The following WIZ variants were observed in gnomAD, a reference collection of about 807,000 sequenced individuals.
The protein encoded by WIZ is WIZ zinc finger.
Under a neutral mutation model 140.2 loss-of-function variants are expected in WIZ, and 25 were observed. The ratio of observed to expected loss-of-function variants is 0.18; its 90% CI spans 0.13 to 0.25. The LOEUF (loss-of-function observed/expected upper bound fraction) is 0.25, where lower values mean the gene tolerates loss of function less well. WIZ is among the 10% of genes least tolerant of loss of function. The pLI, the probability that WIZ is intolerant of heterozygous loss-of-function variation, is 1.00. For synonymous variants in WIZ, 1,125 were observed against 1,154.3 expected (o/e 0.97, Z 0.51); for missense variants, 2,231 against 2,632.6 (o/e 0.85, Z 3.34).
Position 15,439,628 on chromosome 19 carries a change from G to C in WIZ, c.1366C>G (p.Pro456Ala). ...SPEASALLYQ[P>A]YGAAVGLSAC... ...CTGAGGCCAACGGCAGCTCCGTAGG[G>C]CTGATAGAGGAGGGCGCTGGCCTCA... Residue 456 changes from proline to alanine, a missense_variant, in exon 4 of 13, where the codon CCC (proline) becomes GCC (alanine). By Grantham distance (27) the Pro-to-Ala change is conservative. This residue lies in a region of WIZ where 475 missense variants were observed against 520.2 expected (regional missense o/e 0.91). Coordinates refer to ENST00000673675, the MANE Select transcript of WIZ (RefSeq NM_001371589.1). This position sits in a 1 kb window ranked among gnomAD's most constrained non-coding sequence, Gnocchi z 7.0. 6.7e-7 allele frequency: 1 copy of C among 1,488,884 alleles called. No homozygotes were observed. The highest frequency in any genetic ancestry group is 8.9e-7 in the Non-Finnish European group (1 of 1,125,374). The allele number at this position is 1,488,884 out of a possible 1,614,324, so 92.2% of individuals were successfully genotyped here.
At position 15,439,464 on chromosome 19, in the gene WIZ, G is replaced by A. The variant is rs555120255; in HGVS notation, c.1530C>T (p.Ser510=). The change falls in exon 4 of 13, where the codon AGC becomes AGT. Residue 510 remains serine, a synonymous_variant. Transcript: ENST00000673675. This position sits in a 1 kb window ranked among gnomAD's most constrained non-coding sequence, Gnocchi z 7.0. ...EEDPASQPGT[S]QDAHACFPDT... is the part of the protein sequence containing the mutation. Reference sequence around the variant, plus strand: ...CAGGGAAGCAGGCGTGAGCATCCTGGCTAGTGCCTGGCTGGCTGGCAGGGT... The same window carrying A: ...CAGGGAAGCAGGCGTGAGCATCCTGACTAGTGCCTGGCTGGCTGGCAGGGT... The A allele has an allele frequency of 4.6e-6, 7 of 1,534,704 alleles. No individual in the cohort carries two copies. The highest frequency in any genetic ancestry group is 6.1e-6 in the Non-Finnish European group (7 of 1,146,178).
At position 15,428,358 on chromosome 19, in the gene WIZ, A is replaced by G; in HGVS notation, c.3566T>C (p.Leu1189Pro). The G allele has an allele frequency of 1.3e-6, 2 of 1,535,258 alleles. No homozygotes were observed. The highest frequency in any genetic ancestry group is 2.4e-5 in the East Asian group (1 of 40,874). The change falls in exon 8 of 13, where the codon CTC becomes CCC. Residue 1189 changes from leucine to proline, a missense_variant. Physicochemically the swap from Leu to Pro is moderately conservative, Grantham distance 98. Around this residue, in one of 15 missense-constraint regions of WIZ, gnomAD observed 141 missense variants for 161.2 expected, o/e 0.87. Coordinates refer to ENST00000673675, the MANE Select transcript of WIZ (RefSeq NM_001371589.1). This position sits in a 1 kb window ranked among gnomAD's most constrained non-coding sequence, Gnocchi z 6.4. Reference sequence around the variant, plus strand: ...GCCGTCCCTCCTGATGAGCCCGTGGAGCACGTCTATGGGGGATCCCTTGGC... The same window carrying G: ...GCCGTCCCTCCTGATGAGCCCGTGGGGCACGTCTATGGGGGATCCCTTGGC... ...PDAKGSPIDV[L>P]HGLIRRDGVQ...
rs774482753 is a variant in WIZ at position 15,424,241 on chromosome 19, G to A, written c.5452C>T (p.Arg1818Trp). Residue 1818 changes from arginine to tryptophan, a missense_variant, in exon 12 of 13, where the codon CGG becomes TGG. Arg to Trp is a moderately radical substitution (Grantham distance 101). Around this residue, in one of 15 missense-constraint regions of WIZ, gnomAD observed 299 missense variants for 309.6 expected, o/e 0.97. Coordinates refer to ENST00000673675, the MANE Select transcript of WIZ (RefSeq NM_001371589.1). This position sits in a 1 kb window ranked among gnomAD's most constrained non-coding sequence, Gnocchi z 9.7. ...TTGACAAGTGATGTCTGGGGGGGCC[G>A]GGGCACCAGGGAGGGGACTGGCCGG... The part of the protein sequence containing the change: ...RVRPVPSLVP[R>W]PPQTSLVKFV... 4.4e-6 allele frequency: 7 copies of A among 1,581,620 alleles called. No individual in the cohort carries two copies. Among genetic ancestry groups the A allele is most frequent in the Non-Finnish European group, 6.0e-6 (7 of 1,167,106 alleles).
chr19:15,434,752 G>C (rs774227156), intron 5 of WIZ, among the ~76,000 whole-genome samples: 1 of 152,172 alleles, frequency 6.6e-6, no homozygotes, highest in Non-Finnish European at 1.5e-5. Context: ...GGCTGTGCAA[G>C]ACTGGGCCCT....
rs1449003386 is a variant in WIZ at position 15,420,759 on chromosome 19, T to C, written c.*2317A>G. On this transcript the variant is annotated 3_prime_UTR_variant, in exon 13 of 13. Transcript: ENST00000673675. ...GATTGGTGGGGAGGAACTTGCCATA[T>C]GACTTTATAAGCTCTTGTATCATTT... 6.6e-6 allele frequency: 1 copy of C among 152,252 alleles called. No individual in the cohort carries two copies. The highest frequency in any genetic ancestry group is 1.5e-5 in the Non-Finnish European group (1 of 68,050). The allele number at this position is 152,252 out of a possible 1,614,324, so 9.4% of individuals were successfully genotyped here. A position where few individuals can be genotyped will look rare whatever the true frequency, so the allele number is the denominator to read the frequency against.
chr19:15,423,719 G>A (rs535221728), intron 12 of WIZ, among the ~76,000 whole-genome samples: 1 of 152,336 alleles, frequency 6.6e-6, no homozygotes, highest in African/African-American at 2.4e-5. Flanking sequence ...GTCACCTCAC[G>A]TCTCAGAGTC....
In WIZ at chr19:15,448,372, G is replaced by A; in HGVS notation, c.-60-5C>T. On this transcript the variant is annotated splice_region_variant and splice_polypyrimidine_tract_variant and intron_variant, in intron 1 of 12. Coordinates refer to ENST00000673675, the MANE Select transcript of WIZ (RefSeq NM_001371589.1). ...GCTCAGCGGGGCATTGTGGGCCTGG[G>A]GATAGAGAGAAGGAAGTGCTTAGGG... The A allele has an allele frequency of 6.3e-7, 1 of 1,585,590 alleles. No individual in the cohort carries two copies. Among genetic ancestry groups the A allele is most frequent in the South Asian group, 1.1e-5 (1 of 89,898 alleles).
intron 4 of WIZ, among the ~76,000 whole-genome samples, chr19:15,438,269 G>A (rs1025988071): frequency 6.6e-6 from 1 of 152,234 alleles, no homozygotes; most frequent in African/African-American, 2.4e-5. Context: ...GTCCACTGCT[G>A]TGTCCCCAGG....
intron 9 of WIZ, among the ~76,000 whole-genome samples, chr19:15,426,339 C>T (rs1401480688): frequency 6.6e-6 from 1 of 152,132 alleles, no homozygotes; most frequent in Non-Finnish European, 1.5e-5. Context: ...TCAACCTGAG[C>T]AGAATGAACA....
intron 9 of WIZ, 65 bp from the exon 10 acceptor site, chr19:15,425,833 GGAGGGAGGAGGAGGAGGGAGGAGGGA>G: frequency 3.1e-5 from 2 of 63,740 alleles, no homozygotes; most frequent in East Asian, 1.4e-3. Context: ...GGAGGGAGGA[GGAGGGAGGAGGAGGAGGGAGGAGGGA>G]GGAGGAGGAG....
At position 15,436,811 on chromosome 19, in the gene WIZ, C is replaced by T; in HGVS notation, c.2735G>A (p.Gly912Glu). Residue 912 changes from glycine (G) to glutamate (E), a missense_variant, in exon 5 of 13, where the codon GGA becomes GAA. Transcript: ENST00000673675. Reference sequence around the variant, plus strand: ...AGCCCGTCCCCTCCCCTTACCATCTCCATAGGCTGGCCCAGGGTCCTCAGC... The same window carrying T: ...AGCCCGTCCCCTCCCCTTACCATCTTCATAGGCTGGCCCAGGGTCCTCAGC... ...TWAEDPGPAY[G>E]DGLGSEENAM... 6.3e-7 allele frequency: 1 copy of T among 1,593,118 alleles called. No homozygotes were observed. Among genetic ancestry groups the T allele is most frequent in the Non-Finnish European group, 8.5e-7 (1 of 1,173,696 alleles).
chr19:15,432,851 CGCCGAGT>C (rs967333260), intron 5 of WIZ, among the ~76,000 whole-genome samples: 1 of 151,722 alleles, frequency 6.6e-6, no homozygotes, highest in Non-Finnish European at 1.5e-5. Flanking sequence ...GAGCGCCGAG[CGCCGAGT>C]GCCACGAGCG....
intron 7 of WIZ, 102 bp downstream of exon 7, chr19:15,429,484 G>GCCCCC: frequency 1.3e-5 from 4 of 319,034 alleles, no homozygotes; most frequent in Non-Finnish European, 2.2e-5. Flanking sequence ...AGTCCCCACC[G>GCCCCC]CCCCCACCCA....
intron 9 of WIZ, 95 bp downstream of exon 9, chr19:15,426,877 TCCTCCCTTCC>T: frequency 7.3e-7 from 1 of 1,369,472 alleles, no homozygotes; most frequent in African/African-American, 1.4e-5. Flanking sequence ...TACCTGCGTG[TCCTCCCTTCC>T]AATTCAACCC....
Position 15,439,164 on chromosome 19 carries a change from C to G in WIZ, c.1830G>C (p.Arg610Ser). The G allele has an allele frequency of 6.5e-7, 1 of 1,532,190 alleles. No homozygotes were observed. Among genetic ancestry groups the G allele is most frequent in the South Asian group, 1.2e-5 (1 of 83,498 alleles). 94.9% of individuals were successfully genotyped at this position (1,532,190 alleles called of 1,614,324 possible). The change falls in exon 4 of 13, where the codon AGG becomes AGC. Residue 610 changes from arginine (R) to serine (S), a missense_variant. Physicochemically the swap from Arg to Ser is moderately radical, Grantham distance 110. Transcript: ENST00000673675. This position sits in a 1 kb window ranked among gnomAD's most constrained non-coding sequence, Gnocchi z 7.0. ...TVHPQGLGERRRPWSEEEEEE... is the reference protein window; with the variant it reads ...TVHPQGLGERSRPWSEEEEEE... ...CCTCCTCCTCTTCGCTCCAAGGGCG[C>G]CTCCGTTCCCCCAGCCCTTGTGGGT...
At chr19:15,447,351 GGGTCTCCCA>G (rs1969953998) in intron 2 of WIZ, among the ~76,000 whole-genome samples, 1 of 152,316 alleles carries the variant, frequency 6.6e-6, no homozygotes, top group South Asian at 2.1e-4. Context: ...CTATCAGGGA[GGGTCTCCCA>G]GGTCTCCCAG....
At chr19:15,429,371 C>T (rs1395030710) in intron 7 of WIZ, among the ~76,000 whole-genome samples, 6 of 152,186 alleles carry the variant, frequency 3.9e-5, no homozygotes, top group African/African-American at 1.4e-4. Flanking sequence ...GGAAGATCAG[C>T]AAAGTAAAGT....
chr19:15,432,520 G>A, intron 5 of WIZ: 1 of 955,932 alleles, frequency 1.0e-6, no homozygotes, highest in Non-Finnish European at 1.2e-6. Context: ...TGGCGGTGGT[G>A]GTGGCGGCGG....
Position 15,422,984 on chromosome 19 carries a change from A to G in WIZ, c.*92T>C. 1 of 1,523,104 alleles carries G rather than the reference A, an allele frequency of 6.6e-7. No homozygotes were observed. Among genetic ancestry groups the G allele is most frequent in the Non-Finnish European group, 8.8e-7 (1 of 1,136,336 alleles). 94.3% of individuals were successfully genotyped at this position (1,523,104 alleles called of 1,614,324 possible). A position where few individuals can be genotyped will look rare whatever the true frequency, so the allele number is the denominator to read the frequency against. On this transcript the variant is annotated 3_prime_UTR_variant, in exon 13 of 13. Coordinates refer to ENST00000673675, the MANE Select transcript of WIZ (RefSeq NM_001371589.1). ...TTGAGGTTTTGGCTTGCTCCTTTGG[A>G]AACGGAAAGAAAGAGGAAGAGGGAC...
Sources: gnomAD v4.1 joint callset for allele counts (sites outside exome capture counted in the v4.1 genomes callset) on GRCh38, gnomAD v4.1.1 for gene constraint, gnomAD v4.1.1 regional missense constraint, Gnocchi (gnomAD v3.1) non-coding constraint, MANE v1.5 for transcripts, NCBI Gene and HGNC (gene_info 2026-07-23, HGNC 2026-07-21) for gene names.